Variants in DDX31 observed in about 807,000 individuals in gnomAD.
DDX31 encodes DEAD-box helicase 31, also known as ATP-dependent DNA helicase DDX31.
In DDX31, 70 loss-of-function variants were observed where a neutral mutation model predicts 91.3. The ratio of observed to expected loss-of-function variants is 0.77; its 90% CI spans 0.63 to 0.94. DDX31 has a LOEUF of 0.94. Among genes scored for constraint, DDX31 ranks in the 40% least tolerant of loss-of-function variants. DDX31 has a pLI of 0.00. For synonymous variants in DDX31, 362 were observed against 350.6 expected (o/e 1.03, Z -0.36); for missense variants, 902 against 925.0 (o/e 0.98, Z 0.32).
chr9:132,612,456 A>G, intron 18 of DDX31: 1 of 586,456 alleles, frequency 1.7e-6, no homozygotes, highest in Non-Finnish European at 3.0e-6. Flanking sequence ...GAAAAAAACT[A>G]CAGGGGGCCA....
intron 15 of DDX31, among the ~76,000 whole-genome samples, chr9:132,631,078 C>G (rs1017185529): frequency 6.6e-6 from 1 of 152,246 alleles, no homozygotes; most frequent in Non-Finnish European, 1.5e-5. Flanking sequence ...CAGACTCTAT[C>G]ACTCATTACA....
chr9:132,597,000 GATT>G (rs1358308224), intron 19 of DDX31, among the ~76,000 whole-genome samples: 1 of 151,958 alleles, frequency 6.6e-6, no homozygotes, highest in African/African-American at 2.4e-5. Context: ...CAGGTGTGAG[GATT>G]AGAAAAAATC....
intron 19 of DDX31, 78 bp downstream of exon 19, chr9:132,612,009 G>A (rs1831366726): frequency 9.1e-6 from 14 of 1,534,632 alleles, no homozygotes; most frequent in Non-Finnish European, 1.2e-5. Flanking sequence ...GAGTTGCGGT[G>A]AGCATGGCAG....
At chr9:132,666,119 A>G (rs1467534933) in intron 1 of DDX31, among the ~76,000 whole-genome samples, 1 of 152,242 alleles carries the variant, frequency 6.6e-6, no homozygotes, top group African/African-American at 2.4e-5. Context: ...TTCAGTTTTT[A>G]AATTCACACA....
chr9:132,628,979 C>G (rs1396259381), intron 16 of DDX31, among the ~76,000 whole-genome samples: 1 of 152,254 alleles, frequency 6.6e-6, no homozygotes, highest in Non-Finnish European at 1.5e-5. Flanking sequence ...GAAAAGGAAA[C>G]TGGCTGCGCC....
rs1371549381 is a variant in DDX31 at position 132,648,239 on chromosome 9, G to C, written c.917C>G (p.Ala306Gly). The change falls in exon 11 of 20, where the codon GCT (alanine) becomes GGT (glycine). Residue 306 changes from alanine (A) to glycine (G), a missense_variant. Transcript: ENST00000372159. ...DITVILNAVN[A>G]ECQKRQNVLL... ...GACATTCTGTCGTTTTTGGCATTCA[G>C]CATTTACAGCATTAAGTATCACTGT... 2 of 1,613,870 alleles carry C rather than the reference G, an allele frequency of 1.2e-6. No individual in the cohort carries two copies. Among genetic ancestry groups the C allele is most frequent in the Middle Eastern group, 1.7e-4 (1 of 6,056 alleles).
intron 13 of DDX31, among the ~76,000 whole-genome samples, chr9:132,644,244 TA>T (rs1198155684): frequency 1.3e-5 from 2 of 152,074 alleles, no homozygotes; most frequent in African/African-American, 4.8e-5. Flanking sequence ...ATTTTAACTA[TA>T]AAAAAACAAC....
chr9:132,659,710 C>G lies in DDX31; in HGVS notation c.523G>C (p.Gly175Arg). ...DALVRSQTGS[G>R]KTLAYCIPVV... is the part of the protein sequence containing the mutation. The stretch of plus-strand genomic sequence containing the variant: ...AGGGCAGAGATGAAATGAGACTAAC[C>G]TGAGCCCGTCTGGGATCTCACGAGA... Residue 175 changes from glycine (G) to arginine (R), a missense_variant and splice_region_variant, in exon 5 of 20, where the codon GGT becomes CGT. By Grantham distance (125) the Gly-to-Arg change is moderately radical (BLOSUM62 -2). Coordinates refer to ENST00000372159, the MANE Select transcript of DDX31 (RefSeq NM_022779.9). 1 of 1,608,624 alleles carries G rather than the reference C, an allele frequency of 6.2e-7. No individual in the cohort carries two copies. Among genetic ancestry groups the G allele is most frequent in the Non-Finnish European group, 8.5e-7 (1 of 1,177,068 alleles).
intron 1 of DDX31, among the ~76,000 whole-genome samples, chr9:132,666,473 T>C (rs7044482): frequency 0.024 from 3,629 of 152,176 alleles, 151 homozygotes; most frequent in African/African-American, 0.081. Flanking sequence ...TTTTTAAAAA[T>C]CTTTTTTCCT....
intron 14 of DDX31, among the ~76,000 whole-genome samples, chr9:132,641,301 A>G (rs1322928407): frequency 6.6e-6 from 1 of 152,250 alleles, no homozygotes; most frequent in Non-Finnish European, 1.5e-5. Flanking sequence ...GTACAATTTC[A>G]TTACTGTGTA....
intron 18 of DDX31, among the ~76,000 whole-genome samples, chr9:132,614,000 T>C (rs1186664133): frequency 1.3e-5 from 2 of 152,200 alleles, no homozygotes; most frequent in Non-Finnish European, 2.9e-5. Flanking sequence ...GCCCAGCCGA[T>C]GGTGTCTGAT....
chr9:132,657,629 A>G (rs1173451384), intron 6 of DDX31, among the ~76,000 whole-genome samples: 1 of 152,242 alleles, frequency 6.6e-6, no homozygotes, highest in Non-Finnish European at 1.5e-5. Context: ...TATACTGCTA[A>G]TTCTGCATAT....
chr9:132,619,372 C>T (rs1831854876), intron 17 of DDX31, among the ~76,000 whole-genome samples: 1 of 152,136 alleles, frequency 6.6e-6, no homozygotes, highest in Non-Finnish European at 1.5e-5. Flanking sequence ...CCTCTACTTC[C>T]ACCTGCCACC....
At chr9:132,641,086 A>T (rs1227130598) in intron 14 of DDX31, among the ~76,000 whole-genome samples, 1 of 152,212 alleles carries the variant, frequency 6.6e-6, no homozygotes, top group Non-Finnish European at 1.5e-5. Flanking sequence ...ATAAGCACAC[A>T]TATATAAACA....
At chr9:132,615,777 A>G (rs2119339395) in intron 18 of DDX31, among the ~76,000 whole-genome samples, 1 of 152,362 alleles carries the variant, frequency 6.6e-6, no homozygotes, top group Middle Eastern at 3.4e-3. Context: ...TAGCTAAATG[A>G]TGCAAGAAAA....
chr9:132,656,475 T>A (rs1476264408), intron 6 of DDX31, among the ~76,000 whole-genome samples: 1 of 152,168 alleles, frequency 6.6e-6, no homozygotes, highest in Admixed American at 6.5e-5. Context: ...AAGCATGATG[T>A]CACCATGCAC....
In DDX31 at chr9:132,662,267, T is replaced by C; in HGVS notation, c.402A>G (p.Pro134=). 1 of 1,614,160 alleles carries C rather than the reference T, an allele frequency of 6.2e-7. No individual in the cohort carries two copies. The highest frequency in any genetic ancestry group is 8.5e-7 in the Non-Finnish European group (1 of 1,180,018). Residue 134 remains proline (P), a synonymous_variant, in exon 3 of 20, where the codon CCA becomes CCG. Coordinates refer to ENST00000372159, the MANE Select transcript of DDX31 (RefSeq NM_022779.9). The stretch of plus-strand genomic sequence containing the variant: ...AACACTGAAAGGTACTTACTAAATG[T>C]GGGTGGAGGCCCAGCTCATGAAAAG... ...SAAFHELGLH[P]HLISTINTVL...
chr9:132,642,716 C>T (rs1833577429), intron 13 of DDX31, among the ~76,000 whole-genome samples: 1 of 151,940 alleles, frequency 6.6e-6, no homozygotes, highest in South Asian at 2.1e-4. Context: ...AACATCTCTT[C>T]ATGCCAATAA....
chr9:132,616,817 C>T (rs558537223), intron 18 of DDX31, among the ~76,000 whole-genome samples: 3 of 152,294 alleles, frequency 2.0e-5, no homozygotes, highest in South Asian at 2.1e-4. Context: ...ATGGCAATTA[C>T]GGGGACTTCA....
Sources: gnomAD v4.1 joint callset for allele counts (sites outside exome capture counted in the v4.1 genomes callset) on GRCh38, gnomAD v4.1.1 for gene constraint, MANE v1.5 for transcripts, NCBI Gene and HGNC (gene_info 2026-07-23, HGNC 2026-07-21) for gene names.